Variants in PLXNA2 observed in about 807,000 individuals in gnomAD.
PLXNA2 encodes plexin A2.
Under a neutral mutation model 193.5 loss-of-function variants are expected in PLXNA2, and 91 were observed. The ratio of observed to expected loss-of-function variants is 0.47; its 90% CI spans 0.40 to 0.56. PLXNA2 has a LOEUF of 0.56. Among genes scored for constraint, PLXNA2 ranks in the 20% least tolerant of loss-of-function variants. The pLI is 0.00. For synonymous variants in PLXNA2, 997 were observed against 1,027.3 expected (o/e 0.97, Z 0.56); for missense variants, 1,995 against 2,503.2 (o/e 0.80, Z 4.33).
chr1:208,121,105 A>G (rs140682430), intron 4 of PLXNA2, among the ~76,000 whole-genome samples: 19 of 152,330 alleles, frequency 1.2e-4, no homozygotes, highest in Admixed American at 2.6e-4. Flanking sequence ...AAGGATGAAG[A>G]GCCCAATGGA....
chr1:208,095,634 A>T (rs1173951399), intron 8 of PLXNA2, among the ~76,000 whole-genome samples: 1 of 152,036 alleles, frequency 6.6e-6, no homozygotes, highest in Non-Finnish European at 1.5e-5. Context: ...GCTATCTCGG[A>T]GTCCCTCTTC....
At chr1:208,054,047 G>A (rs1665347752) in intron 14 of PLXNA2, among the ~76,000 whole-genome samples, 1 of 152,172 alleles carries the variant, frequency 6.6e-6, no homozygotes, top group Non-Finnish European at 1.5e-5. Context: ...GGTCCCTCAG[G>A]CTATGCATCC....
intron 9 of PLXNA2, among the ~76,000 whole-genome samples, chr1:208,090,104 T>C (rs992817445): frequency 5.3e-5 from 8 of 152,192 alleles, no homozygotes; most frequent in African/African-American, 1.9e-4. Context: ...GCAACCTCGC[T>C]GGGAATCTGC....
At position 208,042,339 on chromosome 1, in the gene PLXNA2, C is replaced by G. The variant is rs1017006469; in HGVS notation, c.4045G>C (p.Glu1349Gln). Residue 1349 changes from glutamate (E) to glutamine (Q), a missense_variant, in exon 22 of 32, where the codon GAG (glutamate) becomes CAG (glutamine). Physicochemically the swap from Glu to Gln is conservative, Grantham distance 29. Transcript: ENST00000367033. The stretch of plus-strand genomic sequence containing the variant: ...TGGGCAAAGAGCTTCAGGGCCTTCT[C>G]CACGTGCTGCTGCCCGTTTCCTTGT... ...EVQGNGQQHV[E>Q]KALKLFAQLI... 6.2e-7 allele frequency: 1 copy of G among 1,614,068 alleles called. No homozygotes were observed. Among genetic ancestry groups the G allele is most frequent in the South Asian group, 1.1e-5 (1 of 91,082 alleles).
At chr1:208,076,231 C>A (rs1366799857) in intron 12 of PLXNA2, among the ~76,000 whole-genome samples, 2 of 151,880 alleles carry the variant, frequency 1.3e-5, no homozygotes, top group South Asian at 2.1e-4. Context: ...CTACACCCAG[C>A]AAAATTTAGA....
At chr1:208,194,297 C>T (rs1245803048) in intron 3 of PLXNA2, among the ~76,000 whole-genome samples, 1 of 151,712 alleles carries the variant, frequency 6.6e-6, no homozygotes, top group Non-Finnish European at 1.5e-5. Flanking sequence ...GGGAAAGGGC[C>T]GAATGAAAAT....
Position 208,043,127 on chromosome 1 carries a change from A to G in PLXNA2, c.3951T>C (p.Tyr1317=), listed in dbSNP as rs1438324583. Residue 1317 remains tyrosine (Y), a synonymous_variant, in exon 21 of 32, where the codon TAT becomes TAC. Transcript: ENST00000367033. ...ACAGGACTCGCATAGCGTAGGTACG[A>G]TAGTCCAGGTAAGGGATTCCTGAGC... ...LDRSGIPYLD[Y]RTYAMRVLFP... is the part of the protein sequence containing the mutation. 2 of 1,614,062 alleles carry G rather than the reference A, an allele frequency of 1.2e-6. No homozygotes were observed. The highest frequency in any genetic ancestry group is 1.7e-6 in the Non-Finnish European group (2 of 1,180,028).
chr1:208,064,233 A>C (rs915580406), intron 12 of PLXNA2, among the ~76,000 whole-genome samples: 3 of 152,166 alleles, frequency 2.0e-5, no homozygotes, highest in Admixed American at 6.5e-5. Context: ...TCTCCTACCC[A>C]CACTAACCCC....
At chr1:208,128,145 A>G (rs1668029817) in intron 4 of PLXNA2, among the ~76,000 whole-genome samples, 1 of 152,230 alleles carries the variant, frequency 6.6e-6, no homozygotes, top group Non-Finnish European at 1.5e-5. Context: ...CCAGGCACCC[A>G]GGGAGAAGCA....
chr1:208,217,689 G>A lies in PLXNA2; in HGVS notation c.234C>T (p.Thr78=), dbSNP rs73082013. ...NRVYKLTGNL[T]IQVAHKTGPE... is the part of the protein sequence containing the mutation. ...GCCCTGTCTTATGAGCCACCTGGAT[G>A]GTCAGGTTGCCTGTCAGCTTATAGA... Residue 78 remains threonine (T), a synonymous_variant, in exon 2 of 32, where the codon ACC becomes ACT. Transcript: ENST00000367033. The surrounding 1 kb of genome is among the most constrained non-coding windows in gnomAD (Gnocchi z 4.7). 4,223 of 1,614,206 alleles carry A rather than the reference G, an allele frequency of 2.6e-3. 110 individuals are homozygous for A. The African/African-American group carries it at 0.05, about 19-fold the overall frequency.
At chr1:208,201,973 A>ATTTTTTTTTTTTT (rs59313982) in intron 3 of PLXNA2, among the ~76,000 whole-genome samples, 4 of 132,626 alleles carry the variant, frequency 3.0e-5, no homozygotes, top group African/African-American at 5.7e-5. Context: ...CAGGGCAAGA[A>ATTTTTTTTTTTTT]TTTTTTTTTT....
chr1:208,238,912 T>C (rs1226004347), intron 1 of PLXNA2, among the ~76,000 whole-genome samples: 2 of 152,192 alleles, frequency 1.3e-5, no homozygotes, highest in African/African-American at 4.8e-5. Flanking sequence ...GACTCCCTGT[T>C]AAGTTGAGAA....
chr1:208,061,333 G>C (rs568637427), intron 12 of PLXNA2, among the ~76,000 whole-genome samples: 5 of 152,304 alleles, frequency 3.3e-5, no homozygotes, highest in African/African-American at 1.2e-4. Flanking sequence ...TGCCCCTGCT[G>C]TGTGCTACAG....
chr1:208,153,679 C>CG (rs900484815), intron 3 of PLXNA2, among the ~76,000 whole-genome samples: 17 of 152,102 alleles, frequency 1.1e-4, no homozygotes, highest in Non-Finnish European at 2.2e-4. Flanking sequence ...ATTGAGGTTA[C>CG]GAAGATGAGG....
intron 24 of PLXNA2, 60 bp downstream of exon 24, chr1:208,039,561 C>CAG (rs1664792565): frequency 6.2e-7 from 1 of 1,603,958 alleles, no homozygotes; most frequent in East Asian, 2.2e-5. Flanking sequence ...GGACAGAAGG[C>CAG]AGAGCAAGGG....
At chr1:208,184,305 T>G (rs1458361505) in intron 3 of PLXNA2, among the ~76,000 whole-genome samples, 1 of 152,000 alleles carries the variant, frequency 6.6e-6, no homozygotes, top group African/African-American at 2.4e-5. Flanking sequence ...TCCTAAGCAA[T>G]TTAACTTGCC....
intron 1 of PLXNA2, among the ~76,000 whole-genome samples, chr1:208,220,272 G>C (rs1211546711): frequency 6.6e-6 from 1 of 152,114 alleles, no homozygotes; most frequent in African/African-American, 2.4e-5. Flanking sequence ...AACAAATTTG[G>C]GATTTGAGGC....
At chr1:208,241,243 G>A (rs1390804924) in intron 1 of PLXNA2, among the ~76,000 whole-genome samples, 4 of 152,320 alleles carry the variant, frequency 2.6e-5, no homozygotes, top group African/African-American at 9.6e-5. Context: ...CTCATTTTAA[G>A]TGCAGACTTC....
At chr1:208,032,608 G>C (rs1048239359) in intron 28 of PLXNA2, among the ~76,000 whole-genome samples, 10 of 152,068 alleles carry the variant, frequency 6.6e-5, no homozygotes, top group Admixed American at 6.5e-4. Flanking sequence ...GCCCTGCGTG[G>C]AAAACATTGG....
Sources: gnomAD v4.1 joint callset for allele counts (sites outside exome capture counted in the v4.1 genomes callset) on GRCh38, gnomAD v4.1.1 for gene constraint, Gnocchi (gnomAD v3.1) non-coding constraint, MANE v1.5 for transcripts, NCBI Gene and HGNC (gene_info 2026-07-23, HGNC 2026-07-21) for gene names.